LAMA2: variants seen among roughly 807,000 people sequenced by gnomAD.
LAMA2 encodes laminin subunit alpha 2, also known as laminin subunit alpha-2.
A neutral mutation model predicts 364.8 loss-of-function variants in LAMA2; 269 were observed. The ratio of observed to expected loss-of-function variants is 0.74; its 90% CI spans 0.67 to 0.82. The LOEUF is 0.82. Ranked by LOEUF, LAMA2 falls within the 40% of genes least tolerant of loss-of-function variation. LAMA2 has a pLI of 0.00. For synonymous variants in LAMA2, 1,379 were observed against 1,370.6 expected, an observed-to-expected ratio of 1.01 and a Z score of -0.14; for missense variants, 3,807 against 3,873.2, an observed-to-expected ratio of 0.98 and a Z score of 0.45.
At position 129,493,341 on chromosome 6, in the gene LAMA2, C is replaced by T. The variant is rs116605746; in HGVS notation, c.8244+858C>T. Among the ~76,000 whole-genome samples the T allele has an allele frequency of 2.9e-3, 434 of 152,244 alleles. 1 individual carries two copies. Among genetic ancestry groups the T allele is most frequent in the African/African-American group, 9.1e-3 (379 of 41,534 alleles). The stretch of plus-strand genomic sequence containing the variant: ...CAGACTGCTGGTATTCAAATCCCAG[C>T]ACTGTAACCGACCATCTGTGTGAAT... On this transcript the variant is annotated intron_variant, in intron 58 of 64. Transcript: ENST00000421865.
chr6:129,436,001 C>T (rs544735382), intron 41 of LAMA2, among the ~76,000 whole-genome samples: 1 of 152,292 alleles, frequency 6.6e-6, no homozygotes, highest in South Asian at 2.1e-4. Context: ...TCTCTCCCAC[C>T]TGCCTTCTCT....
intron 29 of LAMA2, among the ~76,000 whole-genome samples, chr6:129,330,605 T>TTTG (rs1340924820): frequency 6.7e-6 from 1 of 149,006 alleles, no homozygotes; most frequent in African/African-American, 2.5e-5. Flanking sequence ...TTTGTTTTTT[T>TTTG]TTTTTTTTTT....
At chr6:129,326,863 T>C (rs1775337293) in intron 28 of LAMA2, among the ~76,000 whole-genome samples, 1 of 149,142 alleles carries the variant, frequency 6.7e-6, no homozygotes, top group Admixed American at 6.8e-5. Flanking sequence ...GTCAGCTTGC[T>C]AAAGAATTGG....
At chr6:128,936,204 G>A (rs1227231681) in intron 1 of LAMA2, among the ~76,000 whole-genome samples, 2 of 152,130 alleles carry the variant, frequency 1.3e-5, no homozygotes, top group Non-Finnish European at 2.9e-5. Flanking sequence ...CCAGTTTCGG[G>A]CAGTTCTTTA....
At chr6:128,908,471 C>T (rs1448530049) in intron 1 of LAMA2, among the ~76,000 whole-genome samples, 17 of 148,230 alleles carry the variant, frequency 1.1e-4, no homozygotes, top group East Asian at 7.9e-4. Context: ...TCTGTGGGAT[C>T]GGTGGTGATA....
chr6:129,416,841 A>G (rs1780819307), intron 40 of LAMA2, among the ~76,000 whole-genome samples: 1 of 152,186 alleles, frequency 6.6e-6, no homozygotes, highest in Non-Finnish European at 1.5e-5. Context: ...GGCTCCAGCC[A>G]CTGTGCACAG....
intron 9 of LAMA2, among the ~76,000 whole-genome samples, chr6:129,170,580 C>A: frequency 7.1e-6 from 1 of 141,500 alleles, no homozygotes. Context: ...GCTTTACTTC[C>A]AAGTATGTGG....
Position 129,329,250 on chromosome 6 carries a change from C to T in LAMA2, c.4311+838C>T, listed in dbSNP as rs145913194. ...CATGGTCAAAACAGGCAAAATACCC[C>T]GCAGAATCCTCCTCTTCCCTCAGTG... On this transcript the variant is annotated intron_variant, in intron 29 of 64. Coordinates refer to ENST00000421865, the MANE Select transcript of LAMA2 (RefSeq NM_000426.4). Among the ~76,000 whole-genome samples the T allele has an allele frequency of 4.8e-3, 735 of 152,284 alleles. 6 individuals carry two copies. The highest frequency in any genetic ancestry group is 0.016 in the African/African-American group (683 of 41,566).
At chr6:129,294,919 A>C (rs1389130380) in intron 20 of LAMA2, among the ~76,000 whole-genome samples, 1 of 152,266 alleles carries the variant, frequency 6.6e-6, no homozygotes, top group African/African-American at 2.4e-5. Flanking sequence ...CATTTACAAT[A>C]AAAGAAAAAG....
chr6:129,039,933 T>C (rs1419857987), intron 1 of LAMA2, among the ~76,000 whole-genome samples: 1 of 152,156 alleles, frequency 6.6e-6, no homozygotes, highest in Non-Finnish European at 1.5e-5. Context: ...AGCCCTGGGG[T>C]TGGGGACCCC....
At chr6:129,154,417 A>G (rs1379256833) in intron 7 of LAMA2, 88 bp from the exon 8 acceptor site, 5 of 1,284,198 alleles carry the variant, frequency 3.9e-6, no homozygotes, top group Non-Finnish European at 5.5e-6. Context: ...CTGTCTCAAA[A>G]AAAAAATCTA....
chr6:129,452,720 G>T (rs1366302077), intron 45 of LAMA2, among the ~76,000 whole-genome samples: 3 of 152,156 alleles, frequency 2.0e-5, no homozygotes, highest in African/African-American at 7.2e-5. Context: ...GACGTTAGAA[G>T]TTTGTTAGTT....
chr6:129,214,253 G>A (rs1486196624), intron 12 of LAMA2, among the ~76,000 whole-genome samples: 1 of 152,140 alleles, frequency 6.6e-6, no homozygotes, highest in Non-Finnish European at 1.5e-5. Flanking sequence ...GTGGAGAAGT[G>A]GAAGAAAAAG....
At chr6:129,266,695 C>T (rs1302682182) in intron 15 of LAMA2, among the ~76,000 whole-genome samples, 1 of 152,074 alleles carries the variant, frequency 6.6e-6, no homozygotes, top group African/African-American at 2.4e-5. Context: ...ATCAAAATTG[C>T]TTGGGATGAC....
intron 1 of LAMA2, among the ~76,000 whole-genome samples, chr6:128,937,513 T>C (rs1779899446): frequency 6.6e-6 from 1 of 152,112 alleles, no homozygotes; most frequent in Admixed American, 6.6e-5. Context: ...TTCTATTTCT[T>C]CATCATTCAG....
At chr6:129,251,040 TTCTCTCTCTCTCTC>T (rs66896334) in intron 13 of LAMA2, among the ~76,000 whole-genome samples, 6 of 61,666 alleles carry the variant, frequency 9.7e-5, no homozygotes, top group African/African-American at 2.1e-4. Context: ...GTCTCTCTCT[TTCTCTCTCTCTCTC>T]TCTCTCTCTC....
At chr6:129,434,951 A>T (rs1398393975) in intron 41 of LAMA2, among the ~76,000 whole-genome samples, 1 of 150,972 alleles carries the variant, frequency 6.6e-6, no homozygotes, top group Admixed American at 6.6e-5. Flanking sequence ...CTGAAACATT[A>T]AAAAAAAATC....
intron 12 of LAMA2, among the ~76,000 whole-genome samples, chr6:129,203,507 A>G (rs1253188356): frequency 6.6e-6 from 1 of 152,368 alleles, no homozygotes; most frequent in African/African-American, 2.4e-5. Context: ...AATAGGTCAC[A>G]GACAGTGTGA....
intron 21 of LAMA2, among the ~76,000 whole-genome samples, chr6:129,298,726 A>G (rs1773360470): frequency 6.6e-6 from 1 of 152,218 alleles, no homozygotes; most frequent in African/African-American, 2.4e-5. Context: ...TAGGAATAAT[A>G]TTTAAAACTA....
Sources: allele counts gnomAD v4.1 joint callset (sites outside exome capture counted in the v4.1 genomes callset), GRCh38; gene constraint gnomAD v4.1.1; transcripts MANE v1.5; gene names NCBI Gene and HGNC (gene_info 2026-07-23, HGNC 2026-07-21).